The following GRM7 variants were observed in gnomAD, a reference collection of about 807,000 sequenced individuals.
The protein encoded by GRM7 is metabotropic glutamate receptor 7.
GRM7 carries 35 observed loss-of-function variants against 84.5 expected under a neutral mutation model. The ratio of observed to expected loss-of-function variants is 0.41; its 90% CI spans 0.32 to 0.55. The LOEUF is 0.55. Among genes scored for constraint, GRM7 ranks in the 20% least tolerant of loss-of-function variants. The probability of loss-of-function intolerance (pLI) is 0.19; values close to 1 mark genes in which losing one functional copy is unlikely to be tolerated. For synonymous variants in GRM7, 487 were observed against 455.1 expected (o/e 1.07, Z -0.89); for missense variants, 1,003 against 1,194.6 (o/e 0.84, Z 2.36).
rs191230014 is a variant in GRM7, at chr3:7,612,300, C to G, written c.2451+32943C>G. On this transcript the variant is annotated intron_variant, in intron 8 of 9. Coordinates refer to ENST00000357716, the MANE Select transcript of GRM7 (RefSeq NM_000844.4). ...GTGTGGCAACAATAGTAACTACTTC[C>G]TGGAGTTTATGTTCAGAATTAAATT... Among the ~76,000 whole-genome samples, 145 of 152,260 alleles carry G rather than the reference C, an allele frequency of 9.5e-4. 1 individual carries two copies. Among genetic ancestry groups the G allele is most frequent in the South Asian group, 1.5e-3 (7 of 4,822 alleles).
intron 5 of GRM7, among the ~76,000 whole-genome samples, chr3:7,436,389 C>A (rs978827): frequency 0.33 from 50,019 of 151,790 alleles, 9,541 homozygotes; most frequent in Non-Finnish European, 0.44. Context: ...TTTGTCTTAC[C>A]TTCTTTTCTT....
chr3:7,618,209 T>G (rs1265403862), intron 8 of GRM7, among the ~76,000 whole-genome samples: 2 of 151,914 alleles, frequency 1.3e-5, no homozygotes, highest in African/African-American at 4.8e-5. Flanking sequence ...AAGCTGGGGG[T>G]TTTAGTAAAC....
chr3:7,080,580 T>G (rs961447291), intron 1 of GRM7, among the ~76,000 whole-genome samples: 4 of 151,988 alleles, frequency 2.6e-5, no homozygotes, highest in Non-Finnish European at 5.9e-5. Flanking sequence ...ATATACTGTA[T>G]TCTTCTAGGA....
intron 8 of GRM7, among the ~76,000 whole-genome samples, chr3:7,667,551 TA>T (rs1024761158): frequency 3.3e-5 from 5 of 152,146 alleles, no homozygotes; most frequent in Non-Finnish European, 7.3e-5. Context: ...AATTTTTTAA[TA>T]ATTATATCAA....
intron 1 of GRM7, among the ~76,000 whole-genome samples, chr3:6,890,376 T>C (rs1695884435): frequency 6.6e-6 from 1 of 152,220 alleles, no homozygotes; most frequent in Non-Finnish European, 1.5e-5. Flanking sequence ...TTTAATGCTA[T>C]AAATTTCTCT....
chr3:7,224,931 T>C (rs1696933954), intron 2 of GRM7, among the ~76,000 whole-genome samples: 1 of 152,186 alleles, frequency 6.6e-6, no homozygotes, highest in Non-Finnish European at 1.5e-5. Flanking sequence ...GCATGTACCC[T>C]TGTGTTGTGC....
chr3:7,344,448 A>G (rs1315543438), intron 4 of GRM7, among the ~76,000 whole-genome samples: 1 of 152,164 alleles, frequency 6.6e-6, no homozygotes, highest in African/African-American at 2.4e-5. Context: ...GCTGCATAGT[A>G]TTCCATGGCG....
At chr3:7,301,808 T>C (rs1351924945) in intron 3 of GRM7, among the ~76,000 whole-genome samples, 2 of 152,184 alleles carry the variant, frequency 1.3e-5, no homozygotes, top group Non-Finnish European at 1.5e-5. Context: ...TGAAGTGTAC[T>C]GATAACCCAT....
chr3:7,723,318 A>G (rs1304324745), intron 9 of GRM7, among the ~76,000 whole-genome samples: 6 of 152,114 alleles, frequency 3.9e-5, no homozygotes, highest in Admixed American at 6.5e-5. Context: ...AGCTTCCTCA[A>G]TCTAGTCTCT....
At chr3:7,393,099 C>A (rs946556110) in intron 4 of GRM7, among the ~76,000 whole-genome samples, 16 of 152,024 alleles carry the variant, frequency 1.1e-4, no homozygotes, top group Admixed American at 9.8e-4. Flanking sequence ...GGAGTGAGGT[C>A]CACACATATC....
chr3:7,122,165 T>A (rs1296181230), intron 1 of GRM7, among the ~76,000 whole-genome samples: 11 of 152,186 alleles, frequency 7.2e-5, no homozygotes, highest in Non-Finnish European at 1.5e-4. Flanking sequence ...TGACCAAACC[T>A]AAGCTTGATA....
intron 1 of GRM7, among the ~76,000 whole-genome samples, chr3:6,992,962 C>T (rs191343088): frequency 3.3e-5 from 5 of 152,248 alleles, no homozygotes; most frequent in South Asian, 2.1e-4. Context: ...TAGAGATTTC[C>T]GTTTTCATAC....
chr3:7,045,540 T>G (rs1012083426), intron 1 of GRM7, among the ~76,000 whole-genome samples: 1 of 152,128 alleles, frequency 6.6e-6, no homozygotes, highest in African/African-American at 2.4e-5. Flanking sequence ...ATCTCCCAAT[T>G]TCCTTCTCCA....
intron 1 of GRM7, among the ~76,000 whole-genome samples, chr3:6,881,680 GA>G (rs35480084): frequency 0.27 from 41,630 of 151,622 alleles, 6,462 homozygotes; most frequent in South Asian, 0.45. Context: ...AAACAAGCAT[GA>G]AAAAAAACTC....
intron 8 of GRM7, among the ~76,000 whole-genome samples, chr3:7,579,674 C>T (rs972784033): frequency 2.6e-5 from 4 of 152,134 alleles, no homozygotes; most frequent in Non-Finnish European, 5.9e-5. Context: ...TATTCCTCAA[C>T]TTCTCCACTT....
At chr3:7,055,695 A>G (rs770462463) in intron 1 of GRM7, among the ~76,000 whole-genome samples, 1 of 151,652 alleles carries the variant, frequency 6.6e-6, no homozygotes, top group African/African-American at 2.4e-5. Context: ...AACTTTTTGT[A>G]TTTCTAGTAG....
intron 7 of GRM7, among the ~76,000 whole-genome samples, chr3:7,502,025 A>T (rs1247643522): frequency 6.6e-6 from 1 of 152,168 alleles, no homozygotes; most frequent in East Asian, 1.9e-4. Flanking sequence ...TTGGCTTTGG[A>T]CTCAATCAAA....
At chr3:7,589,965 A>G (rs909291102) in intron 8 of GRM7, among the ~76,000 whole-genome samples, 9 of 152,216 alleles carry the variant, frequency 5.9e-5, no homozygotes, top group Admixed American at 5.9e-4. Flanking sequence ...AGGTCTAAAA[A>G]AAACCTGACT....
intron 1 of GRM7, among the ~76,000 whole-genome samples, chr3:7,127,354 A>G (rs1206761739): frequency 6.6e-6 from 1 of 152,234 alleles, no homozygotes; most frequent in Non-Finnish European, 1.5e-5. Flanking sequence ...AGATCGGATG[A>G]GTTAATGGGG....
Sources: gnomAD v4.1 joint callset for allele counts (sites outside exome capture counted in the v4.1 genomes callset) on GRCh38, gnomAD v4.1.1 for gene constraint, MANE v1.5 for transcripts, NCBI Gene and HGNC (gene_info 2026-07-23, HGNC 2026-07-21) for gene names.